The following GRK5 variants were observed in gnomAD, a reference collection of about 807,000 sequenced individuals.
GRK5 encodes g protein-coupled receptor kinase GRK5.
Under a neutral mutation model 78.4 loss-of-function variants are expected in GRK5, and 40 were observed. The ratio of observed to expected loss-of-function variants is 0.51; its 90% CI spans 0.40 to 0.66. GRK5 has a LOEUF of 0.66. Among genes scored for constraint, GRK5 ranks in the 30% least tolerant of loss-of-function variants. GRK5 has a pLI of 0.00. For missense variants in GRK5, 598 were observed against 759.9 expected (o/e 0.79, Z 2.50); for synonymous variants, 289 against 296.8 (o/e 0.97, Z 0.27).
At chr10:119,355,940 G>A (rs993994400) in intron 2 of GRK5, among the ~76,000 whole-genome samples, 2 of 152,200 alleles carry the variant, frequency 1.3e-5, no homozygotes, top group African/African-American at 4.8e-5. Flanking sequence ...CCTGAGCCCT[G>A]AGAAACAACC....
At chr10:119,257,909 G>C (rs1849315700) in intron 1 of GRK5, among the ~76,000 whole-genome samples, 1 of 152,162 alleles carries the variant, frequency 6.6e-6, no homozygotes, top group African/African-American at 2.4e-5. Flanking sequence ...TCCTTGCTCA[G>C]AGTGTTGCCT....
At chr10:119,409,055 G>A (rs1470033888) in intron 4 of GRK5, among the ~76,000 whole-genome samples, 7 of 152,190 alleles carry the variant, frequency 4.6e-5, no homozygotes, top group East Asian at 1.9e-4. Context: ...AGCAAGCCCC[G>A]GAGGCGGTGT....
intron 2 of GRK5, among the ~76,000 whole-genome samples, chr10:119,371,458 T>G (rs1266147111): frequency 6.6e-6 from 1 of 152,274 alleles, no homozygotes. Flanking sequence ...AGCATTTATT[T>G]ATCTTAACTA....
chr10:119,284,095 A>G (rs530994696), intron 1 of GRK5, among the ~76,000 whole-genome samples: 22 of 152,270 alleles, frequency 1.4e-4, no homozygotes, highest in African/African-American at 4.8e-4. Context: ...TCAAACAACC[A>G]GTCAAGGAAG....
At chr10:119,409,208 A>G (rs1852294744) in intron 4 of GRK5, among the ~76,000 whole-genome samples, 1 of 152,160 alleles carries the variant, frequency 6.6e-6, no homozygotes, top group Admixed American at 6.5e-5. Flanking sequence ...GGCATATTTC[A>G]TGACTGTGTA....
At chr10:119,254,965 GA>G (rs1468592571) in intron 1 of GRK5, among the ~76,000 whole-genome samples, 5 of 141,996 alleles carry the variant, frequency 3.5e-5, no homozygotes. Context: ...TTAAGCAGGA[GA>G]ATTGCTTTAA....
chr10:119,394,192 ATGGGGG>A (rs1851945788), intron 3 of GRK5, among the ~76,000 whole-genome samples: 17 of 18,746 alleles, frequency 9.1e-4, no homozygotes, highest in South Asian at 2.0e-3. Flanking sequence ...GTGTCTGTGT[ATGGGGG>A]TGTGTATCTG....
rs536942122 is a variant in GRK5 at position 119,451,107 on chromosome 10, C to T, written c.1405-1564C>T. On this transcript the variant is annotated intron_variant, in intron 13 of 15. Transcript: ENST00000392870. ...ATCGTCCCTGCCAGCCCCCCACCGT[C>T]GTCCCTGCCAGCCCCCCACAGTCAT... 2.9e-4 allele frequency among the ~76,000 whole-genome samples: 34 copies of T among 117,476 alleles called. No individual in the cohort carries two copies. The South Asian group carries it at 9.5e-3, about 33-fold the overall frequency. The allele number at this position is 117,476 out of a possible 152,430, so 77.1% of individuals were successfully genotyped here.
chr10:119,393,116 C>T (rs547159272), intron 3 of GRK5, among the ~76,000 whole-genome samples: 249 of 152,344 alleles, frequency 1.6e-3, no homozygotes, highest in African/African-American at 5.8e-3. Flanking sequence ...CTCAGGGGGC[C>T]ACTGTGGAGA....
At chr10:119,307,321 C>T (rs547521504) in intron 1 of GRK5, among the ~76,000 whole-genome samples, 4 of 152,026 alleles carry the variant, frequency 2.6e-5, no homozygotes, top group African/African-American at 4.8e-5. Context: ...ATGTCGTATC[C>T]GAATCCCTGC....
At chr10:119,374,767 T>G (rs906746074) in intron 2 of GRK5, among the ~76,000 whole-genome samples, 8 of 110,168 alleles carry the variant, frequency 7.3e-5, no homozygotes, top group African/African-American at 2.9e-4. Context: ...GTTTGGGTCA[T>G]GAGGGCATTG....
At chr10:119,371,280 C>T (rs868554869) in intron 2 of GRK5, among the ~76,000 whole-genome samples, 7 of 152,328 alleles carry the variant, frequency 4.6e-5, no homozygotes, top group Middle Eastern at 6.8e-3. Flanking sequence ...TGGCTGTGCT[C>T]GGGCCCCGTG....
At chr10:119,327,357 T>C (rs1589746885) in intron 2 of GRK5, among the ~76,000 whole-genome samples, 1 of 152,124 alleles carries the variant, frequency 6.6e-6, no homozygotes, top group African/African-American at 2.4e-5. Context: ...CTCCAGAGTG[T>C]TTGGGGTCCC....
chr10:119,247,343 G>T lies in GRK5; in HGVS notation c.52+39374G>T, dbSNP rs1271987605. Among the ~76,000 whole-genome samples the T allele has an allele frequency of 3.9e-5, 6 of 152,154 alleles. No individual in the cohort carries two copies. The East Asian group carries it at 1.2e-3, about 29-fold the overall frequency. ...GACCTGGAGGCTGGATTTAAAATTG[G>T]CACTGAGGGAAATCTCATTTCCACA... On this transcript the variant is annotated intron_variant, in intron 1 of 15. Transcript: ENST00000392870.
chr10:119,315,519 T>G (rs190564198), intron 1 of GRK5, among the ~76,000 whole-genome samples: 5 of 152,128 alleles, frequency 3.3e-5, no homozygotes, highest in African/African-American at 1.2e-4. Flanking sequence ...GGGTAACCCA[T>G]TCTCATCAGA....
At chr10:119,327,210 C>T (rs1453296414) in intron 2 of GRK5, among the ~76,000 whole-genome samples, 1 of 152,272 alleles carries the variant, frequency 6.6e-6, no homozygotes, top group East Asian at 1.9e-4. Context: ...CTGTATCCAG[C>T]ACACACACAC....
At chr10:119,292,199 T>TCCTCCTCCTCCTC (rs1849992184) in intron 1 of GRK5, among the ~76,000 whole-genome samples, 1 of 19,006 alleles carries the variant, frequency 5.3e-5, no homozygotes, top group African/African-American at 2.1e-4. Flanking sequence ...TCTTCCTCCT[T>TCCTCCTCCTCCTC]CTCCTATTCC....
chr10:119,263,316 C>T (rs1000131432), intron 1 of GRK5, among the ~76,000 whole-genome samples: 1 of 151,962 alleles, frequency 6.6e-6, no homozygotes, highest in African/African-American at 2.4e-5. Context: ...CCACAATGTA[C>T]ATTCTTATAT....
intron 10 of GRK5, among the ~76,000 whole-genome samples, chr10:119,441,593 C>A (rs957050651): frequency 6.6e-6 from 1 of 152,188 alleles, no homozygotes; most frequent in African/African-American, 2.4e-5. Flanking sequence ...CTTCCCAAAT[C>A]GTTTTATAAT....
Sources: allele counts gnomAD v4.1 joint callset (sites outside exome capture counted in the v4.1 genomes callset), GRCh38; gene constraint gnomAD v4.1.1; transcripts MANE v1.5; gene names NCBI Gene and HGNC (gene_info 2026-07-23, HGNC 2026-07-21).